Variants in OLAH observed in about 807,000 individuals in gnomAD.
The protein encoded by OLAH is oleoyl-ACP hydrolase.
OLAH carries 33 observed loss-of-function variants against 27.8 expected under a neutral mutation model. The ratio of observed to expected loss-of-function variants is 1.19; its 90% CI spans 0.90 to 1.59. OLAH has a LOEUF of 1.59. Ranked by LOEUF, OLAH falls within the 40% of genes most tolerant of loss-of-function variation. The probability of loss-of-function intolerance (pLI) is 0.00; values close to 1 mark genes in which losing one functional copy is unlikely to be tolerated. For synonymous variants in OLAH, 120 were observed against 102.9 expected (o/e 1.17, Z -1.01); for missense variants, 359 against 310.8 (o/e 1.16, Z -1.17).
intron 3 of OLAH, among the ~76,000 whole-genome samples, chr10:15,060,317 A>C (rs1844338278): frequency 6.6e-6 from 1 of 152,014 alleles, no homozygotes; most frequent in African/African-American, 2.4e-5. Flanking sequence ...CTACAGGTGC[A>C]TGCCACCACG....
chr10:15,037,016 T>C (rs1354746425), intron 1 of OLAH, among the ~76,000 whole-genome samples: 1 of 151,758 alleles, frequency 6.6e-6, no homozygotes. Context: ...GAGGCAGAGG[T>C]TGCAGTGAGC....
intron 1 of OLAH, among the ~76,000 whole-genome samples, chr10:15,046,323 T>TATAA (rs113256684): frequency 0.36 from 54,013 of 148,874 alleles, 10,012 homozygotes; most frequent in Admixed American, 0.49. Context: ...CTCAAAAAAA[T>TATAA]ATAAATAAAT....
At position 15,061,742 on chromosome 10, in the gene OLAH, C is replaced by T; in HGVS notation, c.182C>T (p.Pro61Leu). ...TCTCCAGTGCACTCCTTAAGGCTTC[C>T]TGGAAGAGAAAGCAGAGTTGAAGAA... Reference protein sequence around the residue: ...DLLEVHSLRLPGRESRVEEPL... With the variant: ...DLLEVHSLRLLGRESRVEEPL... Residue 61 changes from proline to leucine, a missense_variant, in exon 4 of 8, where the codon CCT becomes CTT. Coordinates refer to ENST00000378228, the MANE Select transcript of OLAH (RefSeq NM_001039702.3). 6.2e-7 allele frequency: 1 copy of T among 1,612,254 alleles called. No individual in the cohort carries two copies. The highest frequency in any genetic ancestry group is 1.7e-4 in the Middle Eastern group (1 of 6,050).
intron 3 of OLAH, among the ~76,000 whole-genome samples, chr10:15,055,020 A>G (rs953273884): frequency 1.3e-5 from 2 of 151,972 alleles, no homozygotes; most frequent in African/African-American, 4.8e-5. Context: ...GCTAGAGTGC[A>G]GTGGTGTGAT....
chr10:15,037,555 T>C (rs1346723500), intron 1 of OLAH, among the ~76,000 whole-genome samples: 1 of 146,952 alleles, frequency 6.8e-6, no homozygotes, highest in African/African-American at 2.5e-5. Flanking sequence ...CACGCCAGGC[T>C]GGGTGACAGA....
chr10:15,047,376 C>G, intron 2 of OLAH, 56 bp downstream of exon 2: 2 of 1,552,128 alleles, frequency 1.3e-6, no homozygotes, highest in Non-Finnish European at 1.8e-6. Context: ...CTCCGATACC[C>G]TGCCTTTGTA....
At chr10:15,042,895 C>T (rs996000555), upstream of OLAH, among the ~76,000 whole-genome samples, 5 of 122,382 alleles carry the variant, frequency 4.1e-5, no homozygotes, top group Non-Finnish European at 8.0e-5. Flanking sequence ...GAGTCTCGCT[C>T]TGTCGCCCAG....
chr10:15,040,783 C>G (rs1211230213), upstream of OLAH, among the ~76,000 whole-genome samples: 1 of 152,220 alleles, frequency 6.6e-6, no homozygotes, highest in East Asian at 1.9e-4. Context: ...CCTCCATACT[C>G]AAAGAGCTTA....
chr10:15,068,486 G>A (rs1271869074), intron 6 of OLAH, among the ~76,000 whole-genome samples: 1 of 152,102 alleles, frequency 6.6e-6, no homozygotes, highest in Non-Finnish European at 1.5e-5. Context: ...TCCGTCTCCT[G>A]GGTTCAAGCA....
intron 4 of OLAH, among the ~76,000 whole-genome samples, chr10:15,062,792 G>A (rs1844394361): frequency 1.3e-5 from 2 of 150,070 alleles, no homozygotes; most frequent in South Asian, 2.1e-4. Flanking sequence ...ACGCTGGAGT[G>A]CAGTGGCACG....
chr10:15,059,345 C>T (rs1001287476), intron 3 of OLAH, among the ~76,000 whole-genome samples: 1 of 150,568 alleles, frequency 6.6e-6, no homozygotes, highest in Non-Finnish European at 1.5e-5. Flanking sequence ...CACCACCACA[C>T]TCAGCTGATA....
upstream of OLAH, among the ~76,000 whole-genome samples, chr10:15,042,008 C>G (rs752914027): frequency 1.3e-5 from 2 of 151,824 alleles, no homozygotes; most frequent in Non-Finnish European, 2.9e-5. Context: ...TGTTTAAATG[C>G]TAGTGATTCT....
intron 3 of OLAH, among the ~76,000 whole-genome samples, chr10:15,057,488 C>T (rs1398941028): frequency 2.0e-5 from 3 of 148,600 alleles, no homozygotes; most frequent in African/African-American, 5.0e-5. Context: ...TGGGTTCAAG[C>T]GATTCTCTTG....
At chr10:15,069,901 G>A (rs1257332780) in intron 6 of OLAH, among the ~76,000 whole-genome samples, 1 of 152,082 alleles carries the variant, frequency 6.6e-6, no homozygotes, top group Non-Finnish European at 1.5e-5. Flanking sequence ...CTGTGAGTCA[G>A]TGGGAACTCC....
chr10:15,063,925 A>ATT (rs1564533584), intron 4 of OLAH, among the ~76,000 whole-genome samples: 1 of 152,226 alleles, frequency 6.6e-6, no homozygotes, highest in Admixed American at 6.5e-5. Flanking sequence ...CTGCATTCAA[A>ATT]TTGTTGCTGT....
At chr10:15,053,347 T>A (rs939454757) in intron 3 of OLAH, among the ~76,000 whole-genome samples, 13 of 152,178 alleles carry the variant, frequency 8.5e-5, no homozygotes, top group Non-Finnish European at 1.5e-4. Context: ...ATCAGCAGCT[T>A]CCTGATAGGA....
intron 4 of OLAH, among the ~76,000 whole-genome samples, chr10:15,062,441 A>C (rs1844386347): frequency 6.6e-6 from 1 of 152,094 alleles, no homozygotes; most frequent in Admixed American, 6.6e-5. Context: ...TACCCAGATA[A>C]CAATGCTTTA....
chr10:15,044,208 T>G (rs1316504849), intron 1 of OLAH, among the ~76,000 whole-genome samples: 1 of 152,126 alleles, frequency 6.6e-6, no homozygotes, highest in Non-Finnish European at 1.5e-5. Flanking sequence ...CTGTTCTATG[T>G]TTCTTTCCCT....
At chr10:15,061,454 T>G (rs906428253) in intron 3 of OLAH, among the ~76,000 whole-genome samples, 1 of 152,112 alleles carries the variant, frequency 6.6e-6, no homozygotes, top group Non-Finnish European at 1.5e-5. Flanking sequence ...CAGCACATGA[T>G]CATCAATGGA....
Sources: gnomAD v4.1 joint callset for allele counts (sites outside exome capture counted in the v4.1 genomes callset) on GRCh38, gnomAD v4.1.1 for gene constraint, MANE v1.5 for transcripts, NCBI Gene and HGNC (gene_info 2026-07-23, HGNC 2026-07-21) for gene names.